RERE: variants seen among roughly 807,000 people sequenced by gnomAD.
The protein encoded by RERE is arginine-glutamic acid dipeptide repeats protein.
In RERE, 40 loss-of-function variants were observed where a neutral mutation model predicts 146.1. The ratio of observed to expected loss-of-function variants is 0.27; its 90% CI spans 0.21 to 0.36. The LOEUF (loss-of-function observed/expected upper bound fraction) is 0.36, where lower values mean the gene tolerates loss of function less well. Ranked by LOEUF, RERE falls within the 10% of genes least tolerant of loss-of-function variation. The pLI, the probability that RERE is intolerant of heterozygous loss-of-function variation, is 1.00. For synonymous variants in RERE, 1,003 were observed against 866.0 expected (o/e 1.16, Z -2.78); for missense variants, 1,933 against 2,138.7 (o/e 0.90, Z 1.90).
intron 10 of RERE, among the ~76,000 whole-genome samples, chr1:8,485,192 T>C (rs1027667974): frequency 6.6e-6 from 1 of 152,046 alleles, no homozygotes; most frequent in African/African-American, 2.4e-5. Context: ...AGAAACCCCG[T>C]CTCTACTAAG....
Position 8,647,641 on chromosome 1 carries a change from ATGTGTGTGTGTGTG to A in RERE, c.325+8318_325+8331del, listed in dbSNP as rs1553127411. Among the ~76,000 whole-genome samples, 292 of 148,642 alleles carry A rather than the reference ATGTGTGTGTGTGTG, an allele frequency of 2.0e-3. 1 individual carries two copies. The highest frequency in any genetic ancestry group is 2.1e-3 in the African/African-American group (83 of 40,476). On this transcript the variant is annotated intron_variant, in intron 2 of 22. Transcript: ENST00000400908. ...AAATGAGCTTCTATTTAAAATATGT[ATGTGTGTGTGTGTG>A]TGTGTGTGTGTGTGTGTGTGTGTCC...
intron 12 of RERE, among the ~76,000 whole-genome samples, chr1:8,403,306 C>T (rs1440388022): frequency 6.6e-6 from 1 of 152,164 alleles, no homozygotes; most frequent in Non-Finnish European, 1.5e-5. Context: ...AAACTTTTCA[C>T]AGTAGCCCTT....
At chr1:8,716,653 C>T (rs1479205359) in intron 1 of RERE, among the ~76,000 whole-genome samples, 1 of 151,682 alleles carries the variant, frequency 6.6e-6, no homozygotes, top group Non-Finnish European at 1.5e-5. Context: ...TGATTAAGTA[C>T]GTGCACATAT....
At chr1:8,564,826 A>ATGTGTGTGTGTGTGTGTGTGTG (rs796133984) in intron 4 of RERE, among the ~76,000 whole-genome samples, 4 of 117,926 alleles carry the variant, frequency 3.4e-5, no homozygotes, top group East Asian at 2.5e-4. Flanking sequence ...GTGTGTGTAT[A>ATGTGTGTGTGTGTGTGTGTGTG]TGTGTATGTG....
At chr1:8,492,758 A>C (rs937323828) in intron 10 of RERE, among the ~76,000 whole-genome samples, 22 of 152,110 alleles carry the variant, frequency 1.4e-4, no homozygotes, top group Admixed American at 2.6e-4. Context: ...TTATTTAATT[A>C]GTCAAGCATG....
At chr1:8,752,226 C>T (rs1412008321) in intron 1 of RERE, among the ~76,000 whole-genome samples, 1 of 152,076 alleles carries the variant, frequency 6.6e-6, no homozygotes, top group East Asian at 1.9e-4. Flanking sequence ...TTCACTATCA[C>T]CCAGAAGGCG....
chr1:8,750,294 G>C lies in RERE; in HGVS notation c.-145+66866C>G, dbSNP rs28699456. The stretch of plus-strand genomic sequence containing the variant: ...CAATAAATGAATGCTTCAATATCAA[G>C]GTAACGGAAGATGAGGGCTAAGACT... On this transcript the variant is annotated intron_variant, in intron 1 of 22. Transcript: ENST00000400908. The C allele has an allele frequency of 9.0e-6, 5 of 553,092 alleles. No homozygotes were observed. In the East Asian group the frequency reaches 1.6e-4, roughly 17 times the overall value. 34.3% of individuals were successfully genotyped at this position (553,092 alleles called of 1,614,324 possible). A position where few individuals can be genotyped will look rare whatever the true frequency, so the allele number is the denominator to read the frequency against.
At chr1:8,535,141 T>C (rs1645708626) in intron 7 of RERE, among the ~76,000 whole-genome samples, 1 of 151,718 alleles carries the variant, frequency 6.6e-6, no homozygotes, top group African/African-American at 2.4e-5. Flanking sequence ...TAATACTCCA[T>C]TGCTATTTAA....
In RERE at chr1:8,466,006, G is replaced by A. The variant is rs376994152; in HGVS notation, c.1122C>T (p.Tyr374=). The change falls in exon 11 of 23, where the codon TAC becomes TAT. Residue 374 remains tyrosine (Y), a synonymous_variant. Coordinates refer to ENST00000400908, the MANE Select transcript of RERE (RefSeq NM_001042681.2). ...GGCGCTGCAGGGCTTTGCCAGCATC[G>A]TAACCGCTTTCATGCAGCTAAAACA... ...NALNTLHESG[Y]DAGKALQRLV... The A allele has an allele frequency of 2.0e-5, 32 of 1,610,244 alleles. No individual in the cohort carries two copies. In the African/African-American group the frequency reaches 2.3e-4, roughly 11 times the overall value.
chr1:8,540,484 T>C (rs1356178145), intron 7 of RERE, among the ~76,000 whole-genome samples: 2 of 152,208 alleles, frequency 1.3e-5, no homozygotes, highest in Non-Finnish European at 2.9e-5. Flanking sequence ...ATATATTACT[T>C]GATCAGTGGC....
At chr1:8,799,964 C>A (rs1641555374) in intron 1 of RERE, among the ~76,000 whole-genome samples, 1 of 152,048 alleles carries the variant, frequency 6.6e-6, no homozygotes, top group Non-Finnish European at 1.5e-5. Context: ...CAGGAACCCA[C>A]CACCACGTCC....
At chr1:8,363,955 T>A (rs111814599) in intron 15 of RERE, 101 bp downstream of exon 15, 1 of 1,098,482 alleles carries the variant, frequency 9.1e-7, no homozygotes, top group South Asian at 1.4e-5. Context: ...CTTTGTCTGG[T>A]AAACAAGACT....
chr1:8,709,728 C>G (rs536092971), intron 1 of RERE, among the ~76,000 whole-genome samples: 2 of 152,208 alleles, frequency 1.3e-5, no homozygotes, highest in African/African-American at 4.8e-5. Context: ...ATATAACAAG[C>G]CCCTTATTGA....
At chr1:8,562,664 A>G (rs551568951) in intron 4 of RERE, among the ~76,000 whole-genome samples, 11 of 152,208 alleles carry the variant, frequency 7.2e-5, no homozygotes, top group African/African-American at 2.6e-4. Context: ...TTTTTTGTAG[A>G]GGTGGACATC....
chr1:8,436,187 CGT>C (rs1300449564), intron 11 of RERE, among the ~76,000 whole-genome samples: 2 of 152,128 alleles, frequency 1.3e-5, no homozygotes, highest in Non-Finnish European at 2.9e-5. Context: ...GGCGTGGTGG[CGT>C]GTGCCTGTGA....
intron 12 of RERE, among the ~76,000 whole-genome samples, chr1:8,371,067 A>G (rs1642017479): frequency 6.6e-6 from 1 of 152,232 alleles, no homozygotes; most frequent in South Asian, 2.1e-4. Flanking sequence ...TGCACACAGC[A>G]TGAGGAACTC....
At chr1:8,738,684 T>C (rs1361356924) in intron 1 of RERE, among the ~76,000 whole-genome samples, 1 of 152,200 alleles carries the variant, frequency 6.6e-6, no homozygotes, top group Non-Finnish European at 1.5e-5. Context: ...CTCAGTGCTT[T>C]ATATAATATC....
At chr1:8,453,821 T>A (rs936912601) in intron 11 of RERE, among the ~76,000 whole-genome samples, 7 of 152,280 alleles carry the variant, frequency 4.6e-5, no homozygotes, top group African/African-American at 1.4e-4. Flanking sequence ...AAAAAAATTT[T>A]TTTTTAATTC....
chr1:8,518,673 T>C (rs1036173763), intron 7 of RERE, among the ~76,000 whole-genome samples: 1 of 152,226 alleles, frequency 6.6e-6, no homozygotes, highest in African/African-American at 2.4e-5. Context: ...GAAGGAAGAC[T>C]AGTGCAATAT....
Sources: allele counts gnomAD v4.1 joint callset (sites outside exome capture counted in the v4.1 genomes callset), GRCh38; gene constraint gnomAD v4.1.1; transcripts MANE v1.5; gene names NCBI Gene and HGNC (gene_info 2026-07-23, HGNC 2026-07-21).